Variants in PDE1C observed in about 807,000 individuals in gnomAD.
PDE1C encodes the protein phosphodiesterase 1C.
In PDE1C, 62 loss-of-function variants were observed where a neutral mutation model predicts 93.1. That is an observed-to-expected ratio of 0.67 (90% CI 0.54 to 0.82). The LOEUF is 0.82. Ranked by LOEUF, PDE1C falls within the 40% of genes least tolerant of loss-of-function variation. The pLI is 0.00. For synonymous variants in PDE1C, 325 were observed against 310.1 expected (o/e 1.05, Z -0.50); for missense variants, 742 against 884.6 (o/e 0.84, Z 2.04).
At chr7:32,105,984 T>C (rs1798289610) in intron 3 of PDE1C, among the ~76,000 whole-genome samples, 1 of 152,120 alleles carries the variant, frequency 6.6e-6, no homozygotes, top group Non-Finnish European at 1.5e-5. Context: ...TGTATACAGC[T>C]TACAACTGGA....
chr7:31,713,566 T>G, the PDE1C span, among the ~76,000 whole-genome samples: 1 of 152,238 alleles, frequency 6.6e-6, no homozygotes, highest in South Asian at 2.1e-4. Flanking sequence ...GTAGGGACAC[T>G]GTGTTGGGGC....
intron 2 of PDE1C, among the ~76,000 whole-genome samples, chr7:32,002,133 G>T (rs1288297245): frequency 2.0e-5 from 3 of 152,072 alleles, no homozygotes; most frequent in African/African-American, 7.3e-5. Flanking sequence ...ACTGCAGTGG[G>T]AACTACTAAG....
chr7:32,160,823 A>AAAAAAGGAAAGAAAG (rs1163614685), intron 3 of PDE1C, among the ~76,000 whole-genome samples: 1 of 152,100 alleles, frequency 6.6e-6, no homozygotes, highest in African/African-American at 2.4e-5. Context: ...AAAGAAACTA[A>AAAAAAGGAAAGAAAG]AAACAGGAAA....
At chr7:32,159,564 C>T (rs1801783994) in intron 3 of PDE1C, among the ~76,000 whole-genome samples, 1 of 152,064 alleles carries the variant, frequency 6.6e-6, no homozygotes, top group South Asian at 2.1e-4. Context: ...GTGTAGAGTC[C>T]CATATCAGTA....
chr7:32,172,170 G>C (rs200020874), intron 2 of PDE1C, among the ~76,000 whole-genome samples: 3 of 151,720 alleles, frequency 2.0e-5, no homozygotes, highest in African/African-American at 7.3e-5. Flanking sequence ...ACCAATTGCC[G>C]TTGGCTTGTT....
rs537007402 is a variant in PDE1C at position 32,051,318 on chromosome 7, G to T, written c.128+236C>A. On this transcript the variant is annotated intron_variant, in intron 2 of 17. Coordinates refer to ENST00000396191, the MANE Select transcript of PDE1C (RefSeq NM_001191057.4). The stretch of plus-strand genomic sequence containing the variant: ...TCACTAGACAGCATGGCAGTAACAA[G>T]CTTTTGAGCCCACAGGATCTACTCT... Among the ~76,000 whole-genome samples the T allele has an allele frequency of 2.6e-5, 4 of 152,240 alleles. No homozygotes were observed. In the South Asian group the frequency reaches 8.3e-4, roughly 32 times the overall value.
intron 6 of PDE1C, among the ~76,000 whole-genome samples, chr7:31,867,840 C>T (rs1274555972): frequency 6.6e-6 from 1 of 152,192 alleles, no homozygotes. Context: ...GGCCCAAGGT[C>T]AGGCCCAACT....
intron 1 of PDE1C, among the ~76,000 whole-genome samples, chr7:32,374,585 A>C (rs956239971): frequency 2.6e-5 from 4 of 152,228 alleles, no homozygotes; most frequent in African/African-American, 9.6e-5. Context: ...TTTTAGCCCC[A>C]AACCTAAAGT....
At chr7:31,870,358 T>A (rs1795791731) in intron 6 of PDE1C, among the ~76,000 whole-genome samples, 1 of 151,612 alleles carries the variant, frequency 6.6e-6, no homozygotes, top group Admixed American at 6.6e-5. Context: ...AATTGCTAGC[T>A]AGACTAACAA....
chr7:31,842,580 T>G (rs1395403184), intron 9 of PDE1C, among the ~76,000 whole-genome samples: 1 of 152,134 alleles, frequency 6.6e-6, no homozygotes, highest in African/African-American at 2.4e-5. Context: ...GAGATAAAGT[T>G]GTTTGTAACA....
At chr7:31,665,339 C>T in the PDE1C span, among the ~76,000 whole-genome samples, 4 of 152,240 alleles carry the variant, frequency 2.6e-5, 1 homozygote, top group African/African-American at 7.2e-5. Flanking sequence ...TCCATTGATC[C>T]TATTTTGTTT....
chr7:32,203,447 ATCTCTGCCT>A (rs1372267408), intron 2 of PDE1C, among the ~76,000 whole-genome samples: 3 of 151,846 alleles, frequency 2.0e-5, no homozygotes, highest in Non-Finnish European at 2.9e-5. Flanking sequence ...CCCACTGCAC[ATCTCTGCCT>A]TCCATTTCCC....
the PDE1C span, among the ~76,000 whole-genome samples, chr7:31,731,402 T>TGAGA: frequency 1.9e-4 from 28 of 151,000 alleles, no homozygotes; most frequent in African/African-American, 5.1e-4. Context: ...GCACTTTTTT[T>TGAGA]GAGAGAGAGA....
intron 1 of PDE1C, among the ~76,000 whole-genome samples, chr7:32,279,344 G>A (rs548702005): frequency 1.1e-4 from 17 of 152,236 alleles, no homozygotes; most frequent in South Asian, 2.1e-4. Context: ...GGGAAAGGTC[G>A]GTCAACAGGT....
chr7:32,258,463 C>T (rs1027022197), intron 1 of PDE1C, among the ~76,000 whole-genome samples: 2 of 152,102 alleles, frequency 1.3e-5, no homozygotes, highest in African/African-American at 2.4e-5. Flanking sequence ...CCCTTCTTGC[C>T]CATGAGAGCT....
chr7:32,026,519 C>A (rs1789459061), intron 2 of PDE1C, among the ~76,000 whole-genome samples: 1 of 152,132 alleles, frequency 6.6e-6, no homozygotes, highest in Non-Finnish European at 1.5e-5. Flanking sequence ...AAAACCCTGG[C>A]AACACCAAAT....
intron 1 of PDE1C, among the ~76,000 whole-genome samples, chr7:32,381,045 T>TC (rs2128090217): frequency 1.3e-5 from 2 of 151,888 alleles, no homozygotes; most frequent in South Asian, 4.1e-4. Flanking sequence ...TGCCTTCCTC[T>TC]CCCCCAGTCT....
the PDE1C span, among the ~76,000 whole-genome samples, chr7:31,725,223 A>G: frequency 2.0e-5 from 3 of 152,032 alleles, no homozygotes; most frequent in South Asian, 6.2e-4. Flanking sequence ...CACAAAGATG[A>G]TCCTGATGGC....
At chr7:32,333,635 T>A (rs73687130) in intron 1 of PDE1C, among the ~76,000 whole-genome samples, 8,738 of 152,220 alleles carry the variant, frequency 0.057, 851 homozygotes, top group African/African-American at 0.2. Context: ...ATCTATGTAC[T>A]CCTCCACAAT....
Sources: allele counts gnomAD v4.1 joint callset (sites outside exome capture counted in the v4.1 genomes callset), GRCh38; gene constraint gnomAD v4.1.1; transcripts MANE v1.5; gene names NCBI Gene and HGNC (gene_info 2026-07-23, HGNC 2026-07-21).